The following STK32A variants were observed in gnomAD, a reference collection of about 807,000 sequenced individuals.
STK32A encodes the protein serine/threonine kinase 32A.
STK32A carries 41 observed loss-of-function variants against 53.2 expected under a neutral mutation model. The ratio of observed to expected loss-of-function variants is 0.77; its 90% CI spans 0.60 to 1.00. The LOEUF (loss-of-function observed/expected upper bound fraction) is 1.00, where lower values mean the gene tolerates loss of function less well. Ranked by LOEUF, STK32A falls within the 50% of genes least tolerant of loss-of-function variation. The pLI is 0.00. For synonymous variants in STK32A, 166 were observed against 162.8 expected (o/e 1.02, Z -0.15); for missense variants, 458 against 485.8 (o/e 0.94, Z 0.54).
intron 4 of STK32A, among the ~76,000 whole-genome samples, chr5:147,292,569 T>TA (rs1752648683): frequency 6.6e-6 from 1 of 152,250 alleles, no homozygotes; most frequent in East Asian, 1.9e-4. Flanking sequence ...AAAAAGTCAT[T>TA]AAAAAAATTT....
chr5:147,236,528 A>G (rs1753329802), intron 1 of STK32A, among the ~76,000 whole-genome samples: 1 of 150,208 alleles, frequency 6.7e-6, no homozygotes, highest in Non-Finnish European at 1.5e-5. Flanking sequence ...TTCTTTCTGA[A>G]TATGAAAAAA....
At chr5:147,266,342 C>T (rs184867436) in intron 2 of STK32A, among the ~76,000 whole-genome samples, 4 of 152,198 alleles carry the variant, frequency 2.6e-5, no homozygotes, top group Non-Finnish European at 5.9e-5. Flanking sequence ...AAATCTGAAG[C>T]TGTAATATTA....
At chr5:147,259,939 C>A (rs1388917662) in intron 2 of STK32A, among the ~76,000 whole-genome samples, 1 of 143,916 alleles carries the variant, frequency 6.9e-6, no homozygotes, top group Non-Finnish European at 1.5e-5. Context: ...TCCTGGCTGT[C>A]TCTCTCTCTC....
At chr5:147,375,387 G>C (rs1297481259) in intron 11 of STK32A, 169 bp downstream of exon 11, 3 of 696,872 alleles carry the variant, frequency 4.3e-6, no homozygotes, top group Non-Finnish European at 6.6e-6. Flanking sequence ...GCTCCTCTGA[G>C]GATCCTAGCA....
At chr5:147,250,363 G>A (rs991907113) in intron 2 of STK32A, among the ~76,000 whole-genome samples, 3 of 152,182 alleles carry the variant, frequency 2.0e-5, no homozygotes, top group African/African-American at 7.2e-5. Flanking sequence ...TCTGCTCTGA[G>A]AGACAGTGTG....
chr5:147,341,219 G>C (rs1377708482), intron 5 of STK32A, among the ~76,000 whole-genome samples: 2 of 152,182 alleles, frequency 1.3e-5, no homozygotes, highest in African/African-American at 4.8e-5. Flanking sequence ...AACAGTACCT[G>C]ATACTCATTG....
intron 6 of STK32A, among the ~76,000 whole-genome samples, chr5:147,346,291 G>A (rs191711582): frequency 2.9e-4 from 44 of 152,230 alleles, no homozygotes; most frequent in East Asian, 2.3e-3. Context: ...CATCCCTGAT[G>A]GGCTGTCGCT....
chr5:147,319,627 G>A (rs1017977529), intron 4 of STK32A, among the ~76,000 whole-genome samples: 1 of 152,106 alleles, frequency 6.6e-6, no homozygotes, highest in Non-Finnish European at 1.5e-5. Flanking sequence ...AATATGATGG[G>A]TCATTGCTCC....
chr5:147,293,681 T>A (rs1416388409), intron 4 of STK32A, among the ~76,000 whole-genome samples: 1 of 152,056 alleles, frequency 6.6e-6, no homozygotes, highest in African/African-American at 2.4e-5. Context: ...GAAAGGAGAC[T>A]GCGTTCCCAA....
chr5:147,238,871 A>G (rs1199740942), intron 1 of STK32A, among the ~76,000 whole-genome samples: 1 of 152,018 alleles, frequency 6.6e-6, no homozygotes, highest in Non-Finnish European at 1.5e-5. Flanking sequence ...TATATTAACA[A>G]AGAGTTGTAT....
chr5:147,380,661 A>C (rs1282786904), intron 11 of STK32A, among the ~76,000 whole-genome samples: 1 of 152,208 alleles, frequency 6.6e-6, no homozygotes, highest in Non-Finnish European at 1.5e-5. Flanking sequence ...ATAGATGTTG[A>C]AAGCTGGACA....
intron 4 of STK32A, among the ~76,000 whole-genome samples, chr5:147,287,616 G>A (rs1475205860): frequency 6.6e-6 from 1 of 152,100 alleles, no homozygotes; most frequent in Non-Finnish European, 1.5e-5. Context: ...CTCGGATATG[G>A]TAGAGTCTAA....
intron 5 of STK32A, among the ~76,000 whole-genome samples, chr5:147,334,795 GA>G (rs1170690038): frequency 1.3e-5 from 2 of 152,100 alleles, no homozygotes; most frequent in African/African-American, 4.8e-5. Flanking sequence ...TCTTACACTG[GA>G]CACTTCCTAA....
chr5:147,337,349 T>A (rs1217447556), intron 5 of STK32A, among the ~76,000 whole-genome samples: 1 of 152,186 alleles, frequency 6.6e-6, no homozygotes, highest in African/African-American at 2.4e-5. Context: ...AATCACTTCT[T>A]ATTTATTACT....
intron 2 of STK32A, among the ~76,000 whole-genome samples, chr5:147,246,253 G>T (rs1004497792): frequency 6.6e-6 from 1 of 152,160 alleles, no homozygotes; most frequent in African/African-American, 2.4e-5. Context: ...TATGGCAAGG[G>T]TTTTAATTTG....
At chr5:147,356,612 A>G (rs1756262018) in intron 7 of STK32A, among the ~76,000 whole-genome samples, 1 of 152,054 alleles carries the variant, frequency 6.6e-6, no homozygotes, top group African/African-American at 2.4e-5. Context: ...CTCTTAATCA[A>G]TTTTTTATTG....
At chr5:147,290,812 C>A (rs969173077) in intron 4 of STK32A, among the ~76,000 whole-genome samples, 1 of 152,072 alleles carries the variant, frequency 6.6e-6, no homozygotes, top group Admixed American at 6.6e-5. Flanking sequence ...TTGCTGGAGC[C>A]CAGAGCTTGA....
intron 2 of STK32A, among the ~76,000 whole-genome samples, chr5:147,244,303 C>T (rs1456552208): frequency 1.3e-5 from 2 of 152,188 alleles, no homozygotes; most frequent in Non-Finnish European, 2.9e-5. Context: ...TGATTGTCCT[C>T]ACCTTTTGAT....
intron 2 of STK32A, among the ~76,000 whole-genome samples, chr5:147,259,664 A>C (rs573206433): frequency 6.6e-6 from 1 of 152,020 alleles, no homozygotes; most frequent in Non-Finnish European, 1.5e-5. Context: ...AATAGGGTAC[A>C]CTGTTTTTTC....
Sources: allele counts gnomAD v4.1 joint callset (sites outside exome capture counted in the v4.1 genomes callset), GRCh38; gene constraint gnomAD v4.1.1; transcripts MANE v1.5; gene names NCBI Gene and HGNC (gene_info 2026-07-23, HGNC 2026-07-21).